Variants in ANXA8 observed in about 807,000 individuals in gnomAD.
ANXA8 encodes the protein annexin A8.
ANXA8 carries 9 observed loss-of-function variants against 26.8 expected under a neutral mutation model. The ratio of observed to expected loss-of-function variants is 0.34; its 90% CI spans 0.20 to 0.59. The LOEUF is 0.59. Ranked by LOEUF, ANXA8 falls within the 20% of genes least tolerant of loss-of-function variation. The pLI, the probability that ANXA8 is intolerant of heterozygous loss-of-function variation, is 0.84. For missense variants in ANXA8, 83 were observed against 238.5 expected, an observed-to-expected ratio of 0.35 and a Z score of 4.29; for synonymous variants, 39 against 94.8, an observed-to-expected ratio of 0.41 and a Z score of 3.42.
At chr10:47,595,813 G>T in the ANXA8 span, among the ~76,000 whole-genome samples, 1 of 148,250 alleles carries the variant, frequency 6.7e-6, no homozygotes, top group African/African-American at 2.6e-5. Context: ...AGTAATAACT[G>T]GGAACTTCAA....
the ANXA8 span, among the ~76,000 whole-genome samples, chr10:47,756,967 C>T: frequency 2.3e-5 from 3 of 133,258 alleles, no homozygotes; most frequent in African/African-American, 5.7e-5. Context: ...CCTGGTATTG[C>T]GGCTGGGTTA....
the ANXA8 span, among the ~76,000 whole-genome samples, chr10:47,574,265 G>A: frequency 1.4e-5 from 1 of 69,286 alleles, no homozygotes; most frequent in East Asian, 2.6e-4. Flanking sequence ...ACAGGCACTT[G>A]CTATCACGCC....
chr10:47,749,608 G>A, the ANXA8 span, among the ~76,000 whole-genome samples: 4 of 150,504 alleles, frequency 2.7e-5, no homozygotes, highest in Admixed American at 2.6e-4. Flanking sequence ...ATGTACAGAA[G>A]TTGTAATCTG....
At chr10:47,696,082 A>T in the ANXA8 span, among the ~76,000 whole-genome samples, 1 of 151,812 alleles carries the variant, frequency 6.6e-6, no homozygotes, top group Non-Finnish European at 1.5e-5. Flanking sequence ...TCCTAAAAAA[A>T]ATTATTTTTG....
At chr10:47,556,535 C>T in the ANXA8 span, among the ~76,000 whole-genome samples, 1 of 151,746 alleles carries the variant, frequency 6.6e-6, no homozygotes, top group Non-Finnish European at 1.5e-5. Context: ...TAACAAGATC[C>T]CCCTTTTAAT....
At chr10:47,487,847 A>AT (rs1323052084), upstream of ANXA8, among the ~76,000 whole-genome samples, 6 of 147,766 alleles carry the variant, frequency 4.1e-5, no homozygotes, top group African/African-American at 1.3e-4. Context: ...TATGGCGCTG[A>AT]TTTTTTTGTC....
the ANXA8 span, among the ~76,000 whole-genome samples, chr10:47,723,661 G>A: frequency 4.0e-4 from 56 of 139,620 alleles, 4 homozygotes; most frequent in South Asian, 0.012. Context: ...TTGAGCTCTC[G>A]TCTGTGTCCT....
chr10:47,659,818 G>GTGA, the ANXA8 span, among the ~76,000 whole-genome samples: 31,339 of 147,406 alleles, frequency 0.21, 1,988 homozygotes, highest in East Asian at 0.45. Context: ...GTGCAGTGAT[G>GTGA]TGATCTCTGC....
At chr10:47,673,831 T>C in the ANXA8 span, among the ~76,000 whole-genome samples, 2 of 150,518 alleles carry the variant, frequency 1.3e-5, no homozygotes, top group Non-Finnish European at 3.0e-5. Flanking sequence ...TATATTAGTA[T>C]GGTATATTTG....
At chr10:47,623,860 CTTCT>C in the ANXA8 span, among the ~76,000 whole-genome samples, 1 of 21,054 alleles carries the variant, frequency 4.7e-5, no homozygotes, top group Non-Finnish European at 8.5e-5. Context: ...TCAGGTCTCC[CTTCT>C]TTTTTTTTTT....
chr10:47,582,137 T>C, the ANXA8 span: 1 of 151,084 alleles, frequency 6.6e-6, no homozygotes, highest in African/African-American at 2.6e-5. Context: ...GGCCATATGA[T>C]CCCAATAGCA....
chr10:47,960,389 C>T, the ANXA8 span, among the ~76,000 whole-genome samples: 6 of 144,704 alleles, frequency 4.1e-5, no homozygotes, highest in Admixed American at 1.4e-4. Flanking sequence ...ACACTGATGG[C>T]CTCCCTCCTC....
At chr10:47,558,603 G>A in the ANXA8 span, among the ~76,000 whole-genome samples, 1 of 151,012 alleles carries the variant, frequency 6.6e-6, no homozygotes. Context: ...TGTCCAGGCT[G>A]GTCTTGCACA....
the ANXA8 span, among the ~76,000 whole-genome samples, chr10:47,552,692 G>C: frequency 6.6e-6 from 1 of 151,902 alleles, no homozygotes; most frequent in Non-Finnish European, 1.5e-5. Flanking sequence ...CACTGAATCT[G>C]TGAGTTTTTT....
chr10:47,689,977 G>T, the ANXA8 span: 1 of 1,593,854 alleles, frequency 6.3e-7, no homozygotes, highest in Non-Finnish European at 8.6e-7. Flanking sequence ...TGTGAAAGAT[G>T]ACTTTGTACG....
At chr10:47,497,612 T>G in the ANXA8 span, among the ~76,000 whole-genome samples, 1 of 127,724 alleles carries the variant, frequency 7.8e-6, no homozygotes, top group South Asian at 2.5e-4. Context: ...AAAGCAAACC[T>G]CCATCTCAAA....
chr10:47,778,180 T>C, the ANXA8 span, among the ~76,000 whole-genome samples: 3 of 148,314 alleles, frequency 2.0e-5, no homozygotes, highest in Non-Finnish European at 3.0e-5. Context: ...ATATTTGCAT[T>C]ATCCTGGCTG....
At chr10:47,528,234 C>T in the ANXA8 span, among the ~76,000 whole-genome samples, 2 of 142,526 alleles carry the variant, frequency 1.4e-5, no homozygotes, top group Non-Finnish European at 3.1e-5. Flanking sequence ...CACCCGTTAC[C>T]ATGTCCAGCT....
the ANXA8 span, among the ~76,000 whole-genome samples, chr10:47,630,095 A>AACTCATAGGAATTAGATGCCAGACAT: frequency 5.0e-5 from 2 of 40,260 alleles, no homozygotes; most frequent in Non-Finnish European, 5.4e-5. Context: ...TAAACTGAAA[A>AACTCATAGGAATTAGATGCCAGACAT]GTGTGTTTTA....
Sources: allele counts gnomAD v4.1 joint callset (sites outside exome capture counted in the v4.1 genomes callset), GRCh38; gene constraint gnomAD v4.1.1; transcripts MANE v1.5; gene names NCBI Gene and HGNC (gene_info 2026-07-23, HGNC 2026-07-21).